The following STK10 variants were observed in gnomAD, a reference collection of about 807,000 sequenced individuals.
STK10 encodes serine/threonine-protein kinase 10.
STK10 carries 78 observed loss-of-function variants against 113.8 expected under a neutral mutation model. The observed-to-expected ratio is 0.69, with a 90% CI of 0.57 to 0.83. STK10 has a LOEUF of 0.83. Ranked by LOEUF, STK10 falls within the 40% of genes least tolerant of loss-of-function variation. STK10 has a pLI of 0.00. For missense variants in STK10, 1,109 were observed against 1,280.1 expected, an observed-to-expected ratio of 0.87 and a Z score of 2.04; for synonymous variants, 465 against 494.7, an observed-to-expected ratio of 0.94 and a Z score of 0.80.
At chr5:172,144,245 C>G (rs1306621256) in intron 2 of STK10, among the ~76,000 whole-genome samples, 1 of 152,248 alleles carries the variant, frequency 6.6e-6, no homozygotes, top group Non-Finnish European at 1.5e-5. Flanking sequence ...GACAGCCTAG[C>G]TGTGTAGCCA....
chr5:172,087,431 C>G (rs574353415), intron 10 of STK10, among the ~76,000 whole-genome samples: 1 of 151,020 alleles, frequency 6.6e-6, no homozygotes, highest in Non-Finnish European at 1.5e-5. Context: ...CCGGCCACCA[C>G]AGCTGGCTAA....
Position 172,082,809 on chromosome 5 carries a change from G to A in STK10, c.1809+152C>T, listed in dbSNP as rs527255231. 44 of 1,273,260 alleles carry A rather than the reference G, an allele frequency of 3.5e-5. No individual in the cohort carries two copies. The African/African-American group carries it at 6.5e-4, about 19-fold the overall frequency. 78.9% of individuals were successfully genotyped at this position (1,273,260 alleles called of 1,614,324 possible). On this transcript the variant is annotated intron_variant, in intron 11 of 18. Transcript: ENST00000176763. This position sits in a 1 kb window ranked among gnomAD's most constrained non-coding sequence, Gnocchi z 4.3. ...CCTTCACGGGGTTCTGTGTTAACAA[G>A]TCACTGCCTAACAAGATCGGGAAGC...
intron 1 of STK10, among the ~76,000 whole-genome samples, chr5:172,175,907 C>T (rs376438255): frequency 2.6e-5 from 4 of 152,108 alleles, no homozygotes; most frequent in African/African-American, 9.7e-5. Flanking sequence ...TGAGGATATC[C>T]CCCTACCTTT....
At position 172,087,759 on chromosome 5, in the gene STK10, G is replaced by A. The variant is rs1439882399; in HGVS notation, c.1685+2473C>T. 2.3e-5 allele frequency among the ~76,000 whole-genome samples: 3 copies of A among 133,278 alleles called. 1 individual carries two copies. The highest frequency in any genetic ancestry group is 9.4e-5 in the African/African-American group (3 of 31,798). 87.4% of individuals were successfully genotyped at this position (133,278 alleles called of 152,430 possible). On this transcript the variant is annotated intron_variant, in intron 10 of 18. Coordinates refer to ENST00000176763, the MANE Select transcript of STK10 (RefSeq NM_005990.4). ...TTCTCCTGCCTCAGCCTCCCGAGTA[G>A]CTGGGACTACAGGCGCCCGCCACCG...
Position 172,061,272 on chromosome 5 carries a change from T to C in STK10, c.2083-4A>G, listed in dbSNP as rs1767930674. The C allele has an allele frequency of 1.2e-6, 2 of 1,609,520 alleles. No homozygotes were observed. Among genetic ancestry groups the C allele is most frequent in the South Asian group, 1.1e-5 (1 of 90,888 alleles). ...GCTTGGCTACAAAGTCCCGGTCCTG[T>C]GGGGAGAGAGGAGGACAGGCCTTTA... On this transcript the variant is annotated splice_polypyrimidine_tract_variant and splice_region_variant and intron_variant, in intron 13 of 18. Transcript: ENST00000176763.
At chr5:172,159,055 C>A (rs577858366) in intron 1 of STK10, among the ~76,000 whole-genome samples, 1 of 152,194 alleles carries the variant, frequency 6.6e-6, no homozygotes, top group South Asian at 2.1e-4. Flanking sequence ...GTATATTTTA[C>A]CACAATTCAA....
chr5:172,177,646 C>A (rs1201100859), intron 1 of STK10, among the ~76,000 whole-genome samples: 3 of 152,224 alleles, frequency 2.0e-5, no homozygotes, highest in Admixed American at 6.5e-5. Context: ...CAACACATTG[C>A]TTTAATTCTG....
At chr5:172,114,278 C>T (rs1156303347) in intron 4 of STK10, among the ~76,000 whole-genome samples, 3 of 139,696 alleles carry the variant, frequency 2.1e-5, no homozygotes, top group Admixed American at 2.1e-4. Context: ...GTACAGGACT[C>T]TAGCTACTCT....
At chr5:172,053,674 C>G (rs1220421144) in intron 17 of STK10, among the ~76,000 whole-genome samples, 1 of 152,200 alleles carries the variant, frequency 6.6e-6, no homozygotes, top group African/African-American at 2.4e-5. Flanking sequence ...GCTTATAAAG[C>G]AGGGGGAAGT....
chr5:172,173,671 A>C (rs747094339), intron 1 of STK10, among the ~76,000 whole-genome samples: 1 of 152,184 alleles, frequency 6.6e-6, no homozygotes, highest in African/African-American at 2.4e-5. Flanking sequence ...GGCTGATCCC[A>C]GAACGCTTTA....
intron 2 of STK10, among the ~76,000 whole-genome samples, chr5:172,131,193 C>T (rs955082892): frequency 9.2e-5 from 14 of 152,100 alleles, no homozygotes; most frequent in African/African-American, 3.4e-4. Context: ...GCCACCACAT[C>T]CGGCTAATTT....
chr5:172,143,767 T>A (rs140536464), intron 2 of STK10, among the ~76,000 whole-genome samples: 71 of 152,324 alleles, frequency 4.7e-4, no homozygotes, highest in African/African-American at 1.6e-3. Flanking sequence ...GAAGAAGCAG[T>A]TTACATCTAA....
At chr5:172,054,795 T>C (rs571375770) in intron 16 of STK10, 101 bp from the exon 17 acceptor site, 10 of 1,527,972 alleles carry the variant, frequency 6.5e-6, no homozygotes, top group Admixed American at 3.5e-5. Flanking sequence ...TCAGGGGGAC[T>C]GGTCTGTGCA....
chr5:172,129,276 G>A (rs1769696468), intron 2 of STK10, among the ~76,000 whole-genome samples: 1 of 152,210 alleles, frequency 6.6e-6, no homozygotes, highest in African/African-American at 2.4e-5. Context: ...TCCAGGCCCT[G>A]CCAGGCTTGC....
In STK10 at chr5:172,054,665, C is replaced by T; in HGVS notation, c.2556G>A (p.Lys852=). The change falls in exon 17 of 19, where the codon AAG becomes AAA. Residue 852 remains lysine (K), a synonymous_variant. Coordinates refer to ENST00000176763, the MANE Select transcript of STK10 (RefSeq NM_005990.4). ...QFSQQEEKRQ[K]SERLQQQQKH... ...TCTGCTGTTGCTGCAGCCGCTCCGA[C>T]TTCTGCCTCTTCTCCTCCTGCTGGG... 2 of 1,610,670 alleles carry T rather than the reference C, an allele frequency of 1.2e-6. No individual in the cohort carries two copies. The highest frequency in any genetic ancestry group is 1.7e-6 in the Non-Finnish European group (2 of 1,180,002).
intron 18 of STK10, among the ~76,000 whole-genome samples, chr5:172,049,369 G>A (rs1455805149): frequency 2.0e-5 from 3 of 152,076 alleles, no homozygotes; most frequent in African/African-American, 7.2e-5. Flanking sequence ...GGGGAGGCCT[G>A]AATAATGCAG....
At chr5:172,116,248 T>C (rs1229400030) in intron 4 of STK10, among the ~76,000 whole-genome samples, 1 of 151,974 alleles carries the variant, frequency 6.6e-6, no homozygotes, top group Non-Finnish European at 1.5e-5. Flanking sequence ...GCCCGGCTAA[T>C]TTTTGTATTT....
intron 2 of STK10, among the ~76,000 whole-genome samples, chr5:172,148,960 C>T (rs569963160): frequency 3.6e-4 from 55 of 152,282 alleles, no homozygotes; most frequent in African/African-American, 1.3e-3. Context: ...CGGAGGGAGG[C>T]AAATCGCTTG....
intron 12 of STK10, among the ~76,000 whole-genome samples, chr5:172,080,835 C>G (rs1198739715): frequency 6.6e-6 from 1 of 152,252 alleles, no homozygotes; most frequent in Non-Finnish European, 1.5e-5. Flanking sequence ...TAGCTAAGAT[C>G]ATTGATGAAA....
Sources: gnomAD v4.1 joint callset for allele counts (sites outside exome capture counted in the v4.1 genomes callset) on GRCh38, gnomAD v4.1.1 for gene constraint, Gnocchi (gnomAD v3.1) non-coding constraint, MANE v1.5 for transcripts, NCBI Gene and HGNC (gene_info 2026-07-23, HGNC 2026-07-21) for gene names.